EPHA6: variants seen among roughly 807,000 people sequenced by gnomAD.
EPHA6 encodes EPH receptor A6, also known as ephrin type-A receptor 6.
In EPHA6, 50 loss-of-function variants were observed where a neutral mutation model predicts 112.0. The observed-to-expected ratio is 0.45, with a 90% confidence interval of 0.36 to 0.56. The LOEUF (loss-of-function observed/expected upper bound fraction) is 0.56. Among genes scored for constraint, EPHA6 ranks in the 20% least tolerant of loss-of-function variants. The pLI is 0.00. For synonymous variants in EPHA6, 529 were observed against 490.7 expected (o/e 1.08, Z -1.03); for missense variants, 1,280 against 1,417.4 (o/e 0.90, Z 1.56).
At chr3:97,106,348 T>A (rs1201205549) in intron 3 of EPHA6, among the ~76,000 whole-genome samples, 1 of 151,970 alleles carries the variant, frequency 6.6e-6, no homozygotes, top group Non-Finnish European at 1.5e-5. Flanking sequence ...ACCCTCAGAA[T>A]TTCCCCCAAT....
chr3:97,617,493 A>G (rs2093776777), intron 13 of EPHA6, among the ~76,000 whole-genome samples: 1 of 152,198 alleles, frequency 6.6e-6, no homozygotes, highest in Non-Finnish European at 1.5e-5. Flanking sequence ...CAAGCTGGAT[A>G]AAGAACTAAG....
intron 11 of EPHA6, among the ~76,000 whole-genome samples, chr3:97,580,767 G>A (rs2093429949): frequency 6.6e-6 from 1 of 152,164 alleles, no homozygotes; most frequent in South Asian, 2.1e-4. Context: ...TCAGACTTGA[G>A]AATTAGGTGA....
intron 5 of EPHA6, among the ~76,000 whole-genome samples, chr3:97,245,973 T>C (rs1283566002): frequency 6.6e-6 from 1 of 152,026 alleles, no homozygotes; most frequent in East Asian, 1.9e-4. Context: ...AGCAAAGCCA[T>C]ATAATATTGT....
chr3:97,271,144 G>A (rs1699468684), intron 5 of EPHA6, among the ~76,000 whole-genome samples: 1 of 152,222 alleles, frequency 6.6e-6, no homozygotes, highest in Admixed American at 6.5e-5. Context: ...AGGGGATGCT[G>A]TAATTACACC....
At chr3:97,657,565 A>T (rs754956345) in intron 14 of EPHA6, among the ~76,000 whole-genome samples, 5 of 151,878 alleles carry the variant, frequency 3.3e-5, no homozygotes, top group Admixed American at 6.6e-5. Context: ...GTGAACAGAC[A>T]CGAATCATTA....
In EPHA6 at chr3:97,226,387, C is replaced by A. The variant is rs1353444745; in HGVS notation, c.1238C>A (p.Ala413Asp). The change falls in exon 4 of 18, where the codon GCT (alanine) becomes GAT (aspartate). Residue 413 changes from alanine to aspartate, a missense_variant. Transcript: ENST00000389672. Reference protein sequence around the residue: ...VCQCEKGYFRAEKDPPSMACT... With the variant: ...VCQCEKGYFRDEKDPPSMACT... ...CAGTGTGAAAAGGGTTATTTCCGAG[C>A]TGAAAAAGACCCACCTTCTATGGCA... 6.2e-7 allele frequency: 1 copy of A among 1,613,442 alleles called. No homozygotes were observed. The highest frequency in any genetic ancestry group is 1.7e-5 in the Admixed American group (1 of 59,956).
At chr3:96,927,249 G>A (rs2040084718) in intron 2 of EPHA6, among the ~76,000 whole-genome samples, 1 of 152,154 alleles carries the variant, frequency 6.6e-6, no homozygotes, top group South Asian at 2.1e-4. Context: ...GCTGCACAAA[G>A]CAGCTGAGCC....
At chr3:97,080,009 T>C (rs1211599166) in intron 3 of EPHA6, among the ~76,000 whole-genome samples, 2 of 152,114 alleles carry the variant, frequency 1.3e-5, no homozygotes, top group Non-Finnish European at 2.9e-5. Flanking sequence ...AACGTTAATA[T>C]GCACTTGGAA....
intron 7 of EPHA6, among the ~76,000 whole-genome samples, chr3:97,454,247 G>A (rs191892687): frequency 7.9e-5 from 12 of 151,778 alleles, no homozygotes; most frequent in African/African-American, 1.7e-4. Flanking sequence ...GTTCAAAGGC[G>A]TAATTCTTTA....
intron 5 of EPHA6, among the ~76,000 whole-genome samples, chr3:97,369,584 G>A (rs937593489): frequency 1.3e-5 from 2 of 152,164 alleles, no homozygotes; most frequent in African/African-American, 4.8e-5. Flanking sequence ...GGTTTGGTAT[G>A]AGCTTCTTGC....
intron 6 of EPHA6, among the ~76,000 whole-genome samples, chr3:97,443,359 C>CAAAAAA (rs5851066): frequency 1.5e-5 from 1 of 68,254 alleles, no homozygotes; most frequent in African/African-American, 5.1e-5. Flanking sequence ...TAAGACATCG[C>CAAAAAA]AAAAAAAAAA....
intron 5 of EPHA6, among the ~76,000 whole-genome samples, chr3:97,266,128 T>G (rs947099991): frequency 3.3e-5 from 5 of 152,204 alleles, no homozygotes; most frequent in Admixed American, 1.3e-4. Flanking sequence ...ATTTTATTTT[T>G]AAACCATCTT....
intron 14 of EPHA6, chr3:97,646,146 T>G: frequency 6.5e-7 from 1 of 1,533,564 alleles, no homozygotes; most frequent in Non-Finnish European, 8.7e-7. Flanking sequence ...CAAAGAGCAA[T>G]CAGAACTGGT....
At chr3:97,221,353 T>C (rs2078193573) in intron 3 of EPHA6, among the ~76,000 whole-genome samples, 1 of 142,972 alleles carries the variant, frequency 7.0e-6, no homozygotes, top group Non-Finnish European at 1.5e-5. Flanking sequence ...GTAACGATGG[T>C]CTATTCCCAA....
intron 3 of EPHA6, among the ~76,000 whole-genome samples, chr3:97,075,559 C>T (rs2046489905): frequency 6.6e-6 from 1 of 151,896 alleles, no homozygotes; most frequent in Non-Finnish European, 1.5e-5. Context: ...TTATGAGAAA[C>T]ATAGTTTACA....
intron 15 of EPHA6, among the ~76,000 whole-genome samples, chr3:97,730,994 G>A (rs538546035): frequency 3.3e-4 from 50 of 152,188 alleles, no homozygotes; most frequent in Middle Eastern, 3.4e-3. Flanking sequence ...AGATGTGGGA[G>A]GAACATGATC....
In EPHA6 at chr3:97,596,531, C is replaced by T. The variant is rs113552939; in HGVS notation, c.2512+3794C>T. Reference sequence around the variant, plus strand: ...TGAATTCACTTTCTCTGTCACTTCTCAGCAATAACTATCTGACATCATATG... The same window carrying T: ...TGAATTCACTTTCTCTGTCACTTCTTAGCAATAACTATCTGACATCATATG... On this transcript the variant is annotated intron_variant, in intron 12 of 17. Transcript: ENST00000389672. Among the ~76,000 whole-genome samples the T allele has an allele frequency of 3.4e-3, 509 of 151,902 alleles. 3 individuals are homozygous for T. Among genetic ancestry groups the T allele is most frequent in the African/African-American group, 0.012 (488 of 41,462 alleles).
chr3:97,384,751 C>G (rs1357273001), intron 5 of EPHA6, among the ~76,000 whole-genome samples: 2 of 152,002 alleles, frequency 1.3e-5, no homozygotes, highest in Non-Finnish European at 2.9e-5. Flanking sequence ...CATACTATTT[C>G]CCCCTTTTTT....
At chr3:97,492,171 C>T (rs1436104848) in intron 10 of EPHA6, among the ~76,000 whole-genome samples, 1 of 91,338 alleles carries the variant, frequency 1.1e-5, no homozygotes, top group African/African-American at 1.6e-4. Context: ...TTGCTTTGCA[C>T]CCCCTAATGA....
Sources: gnomAD v4.1 joint callset for allele counts (sites outside exome capture counted in the v4.1 genomes callset) on GRCh38, gnomAD v4.1.1 for gene constraint, MANE v1.5 for transcripts, NCBI Gene and HGNC (gene_info 2026-07-23, HGNC 2026-07-21) for gene names.